Variants in SGMS1 observed in about 807,000 individuals in gnomAD.
SGMS1 encodes the protein phosphatidylcholine:ceramide cholinephosphotransferase 1.
SGMS1 carries 13 observed loss-of-function variants against 46.2 expected under a neutral mutation model. The observed-to-expected ratio is 0.28, with a 90% CI of 0.18 to 0.45. The LOEUF is 0.45. Ranked by LOEUF, SGMS1 falls within the 20% of genes least tolerant of loss-of-function variation. SGMS1 has a pLI of 1.00. For synonymous variants in SGMS1, 203 were observed against 187.8 expected (o/e 1.08, Z -0.66); for missense variants, 324 against 519.9 (o/e 0.62, Z 3.66).
intron 2 of SGMS1, among the ~76,000 whole-genome samples, chr10:50,561,670 C>T (rs1838237805): frequency 6.6e-6 from 1 of 152,174 alleles, no homozygotes; most frequent in Non-Finnish European, 1.5e-5. Context: ...AACTAGAAAT[C>T]CATGTGGTGC....
intron 2 of SGMS1, among the ~76,000 whole-genome samples, chr10:50,572,535 G>A (rs540290451): frequency 6.6e-6 from 1 of 152,224 alleles, no homozygotes; most frequent in South Asian, 2.1e-4. Context: ...GAGAGAGAGA[G>A]GAGAGGGGTG....
At chr10:50,481,999 C>T (rs1039979608) in intron 3 of SGMS1, among the ~76,000 whole-genome samples, 1 of 152,014 alleles carries the variant, frequency 6.6e-6, no homozygotes, top group Non-Finnish European at 1.5e-5. Flanking sequence ...ATGAACAAAA[C>T]CTTAGAGAAC....
At chr10:50,527,342 GTA>G (rs1837913259) in intron 2 of SGMS1, among the ~76,000 whole-genome samples, 1 of 152,176 alleles carries the variant, frequency 6.6e-6, no homozygotes, top group Non-Finnish European at 1.5e-5. Context: ...CAACATGTGT[GTA>G]TGTGTTCATG....
intron 2 of SGMS1, among the ~76,000 whole-genome samples, chr10:50,536,371 T>C (rs967533965): frequency 6.6e-6 from 1 of 152,066 alleles, no homozygotes; most frequent in Admixed American, 6.6e-5. Context: ...CCCATTTCCT[T>C]TTGAGGAATA....
intron 6 of SGMS1, among the ~76,000 whole-genome samples, chr10:50,423,933 C>T (rs1437421123): frequency 1.3e-5 from 2 of 152,202 alleles, no homozygotes; most frequent in Non-Finnish European, 2.9e-5. Flanking sequence ...CTAATGACAG[C>T]AGCTTTCATT....
intron 2 of SGMS1, among the ~76,000 whole-genome samples, chr10:50,563,667 C>T (rs1420853028): frequency 3.6e-5 from 5 of 138,202 alleles, no homozygotes; most frequent in Non-Finnish European, 6.1e-5. Context: ...GGCGTGAACC[C>T]GGGAGGCGGA....
intron 5 of SGMS1, among the ~76,000 whole-genome samples, chr10:50,442,048 ATTTT>A (rs1316261753): frequency 2.0e-5 from 3 of 151,882 alleles, no homozygotes; most frequent in Admixed American, 6.6e-5. Flanking sequence ...ACTTGCTTTT[ATTTT>A]TTTATTTTTT....
chr10:50,390,592 C>T (rs1462345722), intron 6 of SGMS1, among the ~76,000 whole-genome samples: 2 of 152,080 alleles, frequency 1.3e-5, no homozygotes, highest in African/African-American at 4.8e-5. Context: ...GAGCTGTGAT[C>T]GTGCCACTGC....
At chr10:50,403,055 T>G (rs1267406381) in intron 6 of SGMS1, among the ~76,000 whole-genome samples, 1 of 152,228 alleles carries the variant, frequency 6.6e-6, no homozygotes, top group African/African-American at 2.4e-5. Context: ...AAAGACATTA[T>G]GTTGTAACCA....
At chr10:50,551,425 G>A (rs1176791177) in intron 2 of SGMS1, among the ~76,000 whole-genome samples, 3 of 150,014 alleles carry the variant, frequency 2.0e-5, no homozygotes, top group Non-Finnish European at 4.4e-5. Flanking sequence ...GGGCTCAAAA[G>A]AGACATGGCA....
At chr10:50,365,032 G>C (rs1848311199) in intron 6 of SGMS1, among the ~76,000 whole-genome samples, 1 of 152,024 alleles carries the variant, frequency 6.6e-6, no homozygotes, top group Non-Finnish European at 1.5e-5. Context: ...AGGAGGCCAA[G>C]GCAGGCAGAT....
intron 3 of SGMS1, among the ~76,000 whole-genome samples, chr10:50,484,119 A>C (rs753028307): frequency 2.6e-5 from 4 of 152,034 alleles, no homozygotes; most frequent in Non-Finnish European, 4.4e-5. Context: ...GCTTTTTTTG[A>C]AAATATTAAT....
intron 7 of SGMS1, among the ~76,000 whole-genome samples, chr10:50,330,333 A>C (rs1044878588): frequency 7.5e-6 from 1 of 133,502 alleles, no homozygotes; most frequent in Non-Finnish European, 1.8e-5. Flanking sequence ...AAACAAAAAA[A>C]CATTAGCTGG....
intron 3 of SGMS1, among the ~76,000 whole-genome samples, chr10:50,474,409 C>A (rs1207835828): frequency 6.6e-6 from 1 of 152,076 alleles, no homozygotes; most frequent in Non-Finnish European, 1.5e-5. Context: ...GTTTATTAGA[C>A]CCTCTCTCTA....
upstream of SGMS1, chr10:50,624,975 C>A: frequency 9.6e-7 from 1 of 1,039,018 alleles, no homozygotes; most frequent in South Asian, 2.6e-5. Flanking sequence ...CATCGGGCCG[C>A]GGGCGCTCGG....
chr10:50,325,568 G>T (rs1847517913), intron 8 of SGMS1, among the ~76,000 whole-genome samples: 1 of 152,196 alleles, frequency 6.6e-6, no homozygotes, highest in Non-Finnish European at 1.5e-5. Context: ...CTTAGGCAAA[G>T]AATTTTGGTT....
chr10:50,498,410 A>G (rs902497214), intron 3 of SGMS1, among the ~76,000 whole-genome samples: 5 of 152,184 alleles, frequency 3.3e-5, no homozygotes, highest in African/African-American at 1.2e-4. Flanking sequence ...TGTAACCATC[A>G]CCACCATCCA....
At chr10:50,435,324 A>C (rs1849461698) in intron 5 of SGMS1, among the ~76,000 whole-genome samples, 2 of 152,232 alleles carry the variant, frequency 1.3e-5, no homozygotes, top group Admixed American at 1.3e-4. Context: ...ATTAGTTCTC[A>C]AAAGATTACT....
At chr10:50,505,379 A>C (rs1387634376) in intron 3 of SGMS1, among the ~76,000 whole-genome samples, 1 of 152,108 alleles carries the variant, frequency 6.6e-6, no homozygotes, top group East Asian at 1.9e-4. Flanking sequence ...ATATTCAAAC[A>C]TTTTTCTAGC....
Sources: gnomAD v4.1 joint callset for allele counts (sites outside exome capture counted in the v4.1 genomes callset) on GRCh38, gnomAD v4.1.1 for gene constraint, MANE v1.5 for transcripts, NCBI Gene and HGNC (gene_info 2026-07-23, HGNC 2026-07-21) for gene names.